The following SORT1 variants were observed in gnomAD, a reference collection of about 807,000 sequenced individuals.
SORT1 encodes the protein sortilin 1.
Under a neutral mutation model 101.7 loss-of-function variants are expected in SORT1, and 39 were observed. The ratio of observed to expected loss-of-function variants is 0.38; its 90% CI spans 0.30 to 0.50. The LOEUF (loss-of-function observed/expected upper bound fraction) is 0.50. Among genes scored for constraint, SORT1 ranks in the 20% least tolerant of loss-of-function variants. The pLI is 0.90. For missense variants in SORT1, 878 were observed against 1,040.4 expected (o/e 0.84, Z 2.15); for synonymous variants, 396 against 393.7 (o/e 1.01, Z -0.07).
chr1:109,395,812 C>T (rs557235895), intron 1 of SORT1, among the ~76,000 whole-genome samples: 4 of 152,262 alleles, frequency 2.6e-5, no homozygotes, highest in East Asian at 1.9e-4. Context: ...TAGTGGCTCA[C>T]GCCTCTAATC....
At chr1:109,349,298 T>C (rs556047587) in intron 6 of SORT1, among the ~76,000 whole-genome samples, 34 of 151,966 alleles carry the variant, frequency 2.2e-4, no homozygotes, top group African/African-American at 7.0e-4. Context: ...TGAGCCGAGA[T>C]TGCACCACAG....
intron 1 of SORT1, among the ~76,000 whole-genome samples, chr1:109,376,270 G>A (rs1210415158): frequency 6.7e-6 from 1 of 149,364 alleles, no homozygotes; most frequent in East Asian, 2.0e-4. Context: ...GGCGGAGCTT[G>A]CAGTGAGCCG....
intron 19 of SORT1, 88 bp downstream of exon 19, chr1:109,314,173 A>C (rs1053521017): frequency 1.9e-6 from 3 of 1,562,666 alleles, no homozygotes; most frequent in Non-Finnish European, 2.6e-6. Flanking sequence ...TGGCCCTGGC[A>C]TATCTTGATC....
chr1:109,331,427 A>T (rs1648446607), intron 11 of SORT1, among the ~76,000 whole-genome samples: 1 of 152,176 alleles, frequency 6.6e-6, no homozygotes. Context: ...CATTCATGAT[A>T]AAAACTCTCA....
At chr1:109,395,511 G>A (rs944060462) in intron 1 of SORT1, among the ~76,000 whole-genome samples, 6 of 151,638 alleles carry the variant, frequency 4.0e-5, no homozygotes, top group East Asian at 3.9e-4. Context: ...ATGAGCCACC[G>A]TGCCCAGCCA....
At chr1:109,355,654 C>CA (rs1032712700) in intron 3 of SORT1, among the ~76,000 whole-genome samples, 185 bp from the exon 4 acceptor site, 5 of 140,382 alleles carry the variant, frequency 3.6e-5, no homozygotes, top group African/African-American at 7.7e-5. Flanking sequence ...CGCCCCCCCC[C>CA]CCACAAACCC....
In SORT1 at chr1:109,314,452, A is replaced by G. The variant is rs1027656572; in HGVS notation, c.2358-68T>C. 1.7e-5 allele frequency: 27 copies of G among 1,569,894 alleles called. No homozygotes were observed. The African/African-American group carries it at 3.7e-4, about 21-fold the overall frequency. On this transcript the variant is annotated intron_variant, in intron 18 of 19. Coordinates refer to ENST00000256637, the MANE Select transcript of SORT1 (RefSeq NM_002959.7). Reference sequence around the variant, plus strand: ...GGGTGCACTTCTTACAGGACTGTGGACTTTCTCAGTTTTATACACTCAGGA... The same window carrying G: ...GGGTGCACTTCTTACAGGACTGTGGGCTTTCTCAGTTTTATACACTCAGGA...
intron 1 of SORT1, among the ~76,000 whole-genome samples, chr1:109,385,691 G>T (rs1226286920): frequency 1.3e-5 from 2 of 152,110 alleles, no homozygotes; most frequent in Non-Finnish European, 2.9e-5. Flanking sequence ...AGTATGCCAA[G>T]CTCTTTCTAG....
Position 109,397,843 on chromosome 1 carries a change from C to T in SORT1, c.50G>A (p.Gly17Asp). ...AADGLSRWPH[G>D]LGLLLLLQLL... ...CTGCAGGAGGAGGAGGAGGCCGAGG[C>T]CATGGGGCCAGCGCGAGAGGCCGTC... Residue 17 changes from glycine (G) to aspartate (D), a missense_variant, in exon 1 of 20, where the codon GGC becomes GAC. Transcript: ENST00000256637. 1.5e-6 allele frequency: 2 copies of T among 1,299,512 alleles called. No homozygotes were observed. Among genetic ancestry groups the T allele is most frequent in the Admixed American group, 2.9e-5 (1 of 34,132 alleles). 80.5% of individuals were successfully genotyped at this position (1,299,512 alleles called of 1,614,324 possible).
rs1252056523 is a variant in SORT1 at position 109,389,487 on chromosome 1, C to T, written c.306+8100G>A. Among the ~76,000 whole-genome samples the T allele has an allele frequency of 2.0e-5, 3 of 152,270 alleles. No homozygotes were observed. The South Asian group carries it at 6.2e-4, about 32-fold the overall frequency. On this transcript the variant is annotated intron_variant, in intron 1 of 19. Coordinates refer to ENST00000256637, the MANE Select transcript of SORT1 (RefSeq NM_002959.7). ...CATGTTGGGACATCTGTGTTCTACT[C>T]CCAGCTCTTGGCCAGTAAGCAAGTC...
intron 17 of SORT1, among the ~76,000 whole-genome samples, chr1:109,315,380 T>C (rs1056242540): frequency 6.6e-6 from 1 of 152,144 alleles, no homozygotes; most frequent in Non-Finnish European, 1.5e-5. Flanking sequence ...ACAAGCTGTG[T>C]CCCTGTGGGT....
At chr1:109,318,995 C>G (rs1032963366) in intron 15 of SORT1, among the ~76,000 whole-genome samples, 1 of 152,144 alleles carries the variant, frequency 6.6e-6, no homozygotes, top group African/African-American at 2.4e-5. Flanking sequence ...CCAGCCTGAT[C>G]TCAAACTCCT....
chr1:109,314,735 C>A lies in SORT1; in HGVS notation c.2294G>T (p.Gly765Val), dbSNP rs758134766. ...NSVPIILAIVGLMLVTVVAGV... is the reference protein window; with the variant it reads ...NSVPIILAIVVLMLVTVVAGV... ...TGCTACGACTGTGACCAGCATCAAT[C>A]CCACGATGGCCAGGATAATTGGAAC... The change falls in exon 18 of 20, where the codon GGA (glycine) becomes GTA (valine). Residue 765 changes from glycine to valine, a missense_variant. Physicochemically the swap from Gly to Val is moderately radical, Grantham distance 109. Transcript: ENST00000256637. The A allele has an allele frequency of 2.5e-6, 4 of 1,611,198 alleles. No individual in the cohort carries two copies. The Admixed American group carries it at 6.7e-5, about 27-fold the overall frequency.
At chr1:109,314,975 T>C (rs766414961) in intron 17 of SORT1, among the ~76,000 whole-genome samples, 197 bp from the exon 18 acceptor site, 69 of 152,170 alleles carry the variant, frequency 4.5e-4, no homozygotes, top group Non-Finnish European at 9.6e-4. Flanking sequence ...CAGAGAGTCA[T>C]CTTAGCTCCA....
chr1:109,351,965 G>GGGGTGTGTGTGTGTGTGTGTGTGT (rs932648162), intron 5 of SORT1, among the ~76,000 whole-genome samples: 35 of 147,412 alleles, frequency 2.4e-4, no homozygotes, highest in African/African-American at 8.3e-4. Context: ...GAGAGGTAGG[G>GGGGTGTGTGTGTGTGTGTGTGTGT]GTGTGTGTGT....
At chr1:109,375,390 A>C (rs963952849) in intron 1 of SORT1, among the ~76,000 whole-genome samples, 36 of 152,088 alleles carry the variant, frequency 2.4e-4, no homozygotes, top group African/African-American at 8.2e-4. Flanking sequence ...AAAAATACAA[A>C]AAATTCGCCG....
chr1:109,317,346 C>T (rs4970839), intron 16 of SORT1, among the ~76,000 whole-genome samples: 147,199 of 152,290 alleles, frequency 0.97, 71,351 homozygotes, highest in Middle Eastern at 1. Context: ...TTGATTAAAA[C>T]GAAAATTTCA....
intron 3 of SORT1, among the ~76,000 whole-genome samples, chr1:109,355,977 T>C (rs1051025619): frequency 3.3e-5 from 5 of 152,094 alleles, no homozygotes; most frequent in Non-Finnish European, 5.9e-5. Flanking sequence ...GCTCAAGTGA[T>C]TCTCCAGCCT....
At chr1:109,390,911 A>G (rs765852592) in intron 1 of SORT1, among the ~76,000 whole-genome samples, 3 of 152,192 alleles carry the variant, frequency 2.0e-5, no homozygotes, top group Non-Finnish European at 4.4e-5. Context: ...TTCTTCTGAT[A>G]AAAATAAATC....
Sources: allele counts gnomAD v4.1 joint callset (sites outside exome capture counted in the v4.1 genomes callset), GRCh38; gene constraint gnomAD v4.1.1; transcripts MANE v1.5; gene names NCBI Gene and HGNC (gene_info 2026-07-23, HGNC 2026-07-21).